Variants in MBD2 observed in about 807,000 individuals in gnomAD.
MBD2 encodes the protein methyl-CpG binding domain protein 2.
Under a neutral mutation model 39.3 loss-of-function variants are expected in MBD2, and 9 were observed. That is an observed-to-expected ratio of 0.23 (90% CI 0.14 to 0.40). MBD2 has a LOEUF of 0.40. Among genes scored for constraint, MBD2 ranks in the 10% least tolerant of loss-of-function variants. MBD2 has a pLI of 1.00. For missense variants in MBD2, 458 were observed against 532.6 expected (o/e 0.86, Z 1.38); for synonymous variants, 233 against 211.1 (o/e 1.10, Z -0.90).
chr18:54,205,220 C>T (rs2086439282), intron 1 of MBD2, 63 bp from the exon 2 acceptor site: 14 of 1,404,662 alleles, frequency 1.0e-5, no homozygotes, highest in Non-Finnish European at 1.4e-5. Context: ...GCCTTTTCTT[C>T]ATGTCTTCCC....
intron 2 of MBD2, among the ~76,000 whole-genome samples, chr18:54,198,598 C>T (rs1326509911): frequency 3.9e-5 from 6 of 152,108 alleles, no homozygotes; most frequent in Non-Finnish European, 8.8e-5. Flanking sequence ...ACCTGTAGTC[C>T]CAGCTACTCA....
At chr18:54,165,050 G>A (rs2086121502) in intron 4 of MBD2, among the ~76,000 whole-genome samples, 1 of 152,118 alleles carries the variant, frequency 6.6e-6, no homozygotes, top group Non-Finnish European at 1.5e-5. Context: ...ATTTCCTCAA[G>A]CAATGTTAAT....
At chr18:54,173,683 C>G (rs911429252) in intron 3 of MBD2, among the ~76,000 whole-genome samples, 3 of 152,104 alleles carry the variant, frequency 2.0e-5, no homozygotes, top group Non-Finnish European at 4.4e-5. Context: ...ATTTTTCATC[C>G]CTGTTGTTTC....
chr18:54,203,438 T>TG (rs2144329087), intron 2 of MBD2, among the ~76,000 whole-genome samples: 1 of 152,322 alleles, frequency 6.6e-6, no homozygotes, highest in East Asian at 1.9e-4. Context: ...TTTGCTAACT[T>TG]GGGCTCCCTC....
chr18:54,173,012 G>A (rs1370214198), intron 3 of MBD2, among the ~76,000 whole-genome samples: 1 of 152,140 alleles, frequency 6.6e-6, no homozygotes, highest in African/African-American at 2.4e-5. Context: ...CACTTAATAA[G>A]TAGTTGGTCA....
intron 2 of MBD2, among the ~76,000 whole-genome samples, chr18:54,190,698 A>G (rs1000683047): frequency 4.6e-5 from 7 of 152,252 alleles, no homozygotes; most frequent in Non-Finnish European, 1.0e-4. Flanking sequence ...ATTAGCCTAG[A>G]GTAAATATGT....
chr18:54,217,691 AATG>A (rs1345248257), intron 1 of MBD2, among the ~76,000 whole-genome samples: 4 of 152,374 alleles, frequency 2.6e-5, no homozygotes, highest in African/African-American at 4.8e-5. Context: ...TTATGAAAAA[AATG>A]ATGATATCTC....
At chr18:54,166,294 A>C (rs2086131734) in intron 3 of MBD2, 128 bp from the exon 4 acceptor site, 1 of 634,942 alleles carries the variant, frequency 1.6e-6, no homozygotes. Flanking sequence ...TTTTCCTTAT[A>C]AAAAGCTAAA....
Position 54,166,181 on chromosome 18 carries a change from A to T in MBD2, c.841-15T>A. 6.7e-7 allele frequency: 1 copy of T among 1,485,636 alleles called. No homozygotes were observed. Among genetic ancestry groups the T allele is most frequent in the Non-Finnish European group, 9.4e-7 (1 of 1,063,338 alleles). The allele number at this position is 1,485,636 out of a possible 1,614,324, so 92.0% of individuals were successfully genotyped here. ...TCCCAGAAAAGCTGTAAGGCAAAAT[A>T]TCACTGTTAATAGATACATTTTTGA... On this transcript the variant is annotated splice_polypyrimidine_tract_variant and intron_variant, in intron 3 of 6. Transcript: ENST00000256429.
At chr18:54,175,495 T>C (rs1399554062) in intron 3 of MBD2, among the ~76,000 whole-genome samples, 1 of 152,168 alleles carries the variant, frequency 6.6e-6, no homozygotes, top group Non-Finnish European at 1.5e-5. Flanking sequence ...CCCCATCAAT[T>C]TGCCCAACTT....
intron 3 of MBD2, among the ~76,000 whole-genome samples, chr18:54,180,915 T>C (rs74328206): frequency 6.9e-6 from 1 of 144,320 alleles, no homozygotes; most frequent in Non-Finnish European, 1.5e-5. Flanking sequence ...TTTTTTTTTT[T>C]TTTTTTTTTT....
chr18:54,182,175 A>C (rs2086256154), intron 3 of MBD2, among the ~76,000 whole-genome samples: 1 of 152,236 alleles, frequency 6.6e-6, no homozygotes, highest in South Asian at 2.1e-4. Context: ...TGAATGAATA[A>C]TTTAATTCAC....
chr18:54,180,879 T>C (rs2086245555), intron 3 of MBD2, among the ~76,000 whole-genome samples: 1 of 150,242 alleles, frequency 6.7e-6, no homozygotes, highest in Admixed American at 6.6e-5. Context: ...CAACAGCCTA[T>C]GTATTCCTTA....
chr18:54,224,581 G>T lies in MBD2; in HGVS notation c.-22C>A, dbSNP rs2086647299. On this transcript the variant is annotated 5_prime_UTR_variant, in exon 1 of 7. Coordinates refer to ENST00000256429, the MANE Select transcript of MBD2 (RefSeq NM_003927.5). Reference sequence around the variant, plus strand: ...GCATCCAGCCCCCTCCCCAGCCGGCGCTGCGCTTCTTCCGTAACCGAGCCC... The same window carrying T: ...GCATCCAGCCCCCTCCCCAGCCGGCTCTGCGCTTCTTCCGTAACCGAGCCC... The T allele has an allele frequency of 4.9e-6, 6 of 1,221,570 alleles. No homozygotes were observed. The highest frequency in any genetic ancestry group is 3.1e-4 in the Middle Eastern group (1 of 3,182). 75.7% of individuals were successfully genotyped at this position (1,221,570 alleles called of 1,614,324 possible).
At chr18:54,168,613 TTGTGTGTGTG>T (rs60604906) in intron 3 of MBD2, among the ~76,000 whole-genome samples, 3,231 of 116,900 alleles carry the variant, frequency 0.028, 216 homozygotes, top group African/African-American at 0.092. Flanking sequence ...GTATGCATAT[TTGTGTGTGTG>T]TGTGTGTGTG....
chr18:54,220,896 A>G (rs1353326253), intron 1 of MBD2, among the ~76,000 whole-genome samples: 3 of 152,240 alleles, frequency 2.0e-5, no homozygotes, highest in Non-Finnish European at 4.4e-5. Flanking sequence ...GTTTCAGAAG[A>G]AAAACAAGAC....
At chr18:54,165,358 C>T (rs1265385229) in intron 4 of MBD2, among the ~76,000 whole-genome samples, 1 of 152,164 alleles carries the variant, frequency 6.6e-6, no homozygotes, top group Non-Finnish European at 1.5e-5. Context: ...AAATGCAATG[C>T]TTAAAGTCCT....
chr18:54,212,148 T>G (rs2086513459), intron 1 of MBD2, among the ~76,000 whole-genome samples: 2 of 152,152 alleles, frequency 1.3e-5, no homozygotes, highest in African/African-American at 2.4e-5. Flanking sequence ...GTTTAATCAC[T>G]CTATTCTGAA....
At chr18:54,190,524 A>G (rs560841074) in intron 2 of MBD2, among the ~76,000 whole-genome samples, 1 of 152,330 alleles carries the variant, frequency 6.6e-6, no homozygotes, top group Admixed American at 6.5e-5. Context: ...AACTGGAATC[A>G]GTGGGTGAAT....
Sources: gnomAD v4.1 joint callset for allele counts (sites outside exome capture counted in the v4.1 genomes callset) on GRCh38, gnomAD v4.1.1 for gene constraint, MANE v1.5 for transcripts, NCBI Gene and HGNC (gene_info 2026-07-23, HGNC 2026-07-21) for gene names.